The following TRIO variants were observed in gnomAD, a reference collection of about 807,000 sequenced individuals.
The protein encoded by TRIO is triple functional domain protein.
A neutral mutation model predicts 351.9 loss-of-function variants in TRIO; 58 were observed. The ratio of observed to expected loss-of-function variants is 0.16; its 90% CI spans 0.13 to 0.21. TRIO has a LOEUF of 0.21. TRIO is among the 10% of genes least tolerant of loss of function. The pLI is 1.00. For synonymous variants in TRIO, 1,758 were observed against 1,595.7 expected, an observed-to-expected ratio of 1.10 and a Z score of -2.42; for missense variants, 3,201 against 4,027.8, an observed-to-expected ratio of 0.79 and a Z score of 5.56.
chr5:14,180,836 C>T (rs1789722129), intron 1 of TRIO, among the ~76,000 whole-genome samples: 1 of 134,478 alleles, frequency 7.4e-6, no homozygotes, highest in Non-Finnish European at 1.7e-5. Context: ...CATGTCCCCC[C>T]AGTGCCCCCA....
intron 26 of TRIO, 116 bp from the exon 27 acceptor site, chr5:14,390,783 GTC>G: frequency 1.3e-6 from 1 of 758,846 alleles, no homozygotes; most frequent in Non-Finnish European, 2.1e-6. Context: ...TTAAAATAGA[GTC>G]TCTTCAACTC....
intron 1 of TRIO, among the ~76,000 whole-genome samples, chr5:14,171,180 T>C (rs1170771318): frequency 6.6e-6 from 1 of 152,144 alleles, no homozygotes; most frequent in Non-Finnish European, 1.5e-5. Flanking sequence ...AGTAAATCAT[T>C]TAGTTTGTCA....
At chr5:14,345,989 C>T (rs1405447352) in intron 11 of TRIO, among the ~76,000 whole-genome samples, 2 of 152,166 alleles carry the variant, frequency 1.3e-5, no homozygotes, top group Non-Finnish European at 2.9e-5. Context: ...TATGTATTTT[C>T]GTATGTATTT....
In TRIO at chr5:14,414,394, G is replaced by T. The variant is rs183677233; in HGVS notation, c.4960-5384G>T. Among the ~76,000 whole-genome samples, 9 of 152,286 alleles carry T rather than the reference G, an allele frequency of 5.9e-5. No individual in the cohort carries two copies. The East Asian group carries it at 1.5e-3, about 26-fold the overall frequency. On this transcript the variant is annotated intron_variant, in intron 33 of 56. Transcript: ENST00000344204. ...TTAGTTGTATCTTTTAAATGCAGCC[G>T]TTTTTCATCCAGTATTTCATTCCAA...
intron 1 of TRIO, among the ~76,000 whole-genome samples, chr5:14,236,199 A>G (rs1581415126): frequency 6.6e-6 from 1 of 152,136 alleles, no homozygotes; most frequent in South Asian, 2.1e-4. Context: ...AGAACATCAG[A>G]GGTCCCCAGA....
intron 34 of TRIO, among the ~76,000 whole-genome samples, chr5:14,459,594 G>A (rs1384085365): frequency 2.6e-5 from 4 of 152,086 alleles, no homozygotes; most frequent in African/African-American, 9.7e-5. Context: ...ACAAAAATTA[G>A]CTGGGTATGG....
At chr5:14,254,069 T>C (rs1021106043) in intron 1 of TRIO, among the ~76,000 whole-genome samples, 4 of 152,174 alleles carry the variant, frequency 2.6e-5, no homozygotes, top group Non-Finnish European at 5.9e-5. Context: ...TAATTTCTAA[T>C]ATGGTAAATA....
chr5:14,181,184 A>T lies in TRIO; in HGVS notation c.157+37302A>T, dbSNP rs540135442. Among the ~76,000 whole-genome samples, 27 of 149,680 alleles carry T rather than the reference A, an allele frequency of 1.8e-4. No homozygotes were observed. In the East Asian group the frequency reaches 3.2e-3, roughly 18 times the overall value. ...AACACTGCAGACTTAAAAAAAAAAG[A>T]CATCTTATTTAAGGGATATAGAATT... On this transcript the variant is annotated intron_variant, in intron 1 of 56. Transcript: ENST00000344204.
At chr5:14,473,847 C>A (rs770357846) in intron 39 of TRIO, 147 bp from the exon 40 acceptor site, 126 of 616,554 alleles carry the variant, frequency 2.0e-4, no homozygotes, top group Non-Finnish European at 3.1e-4. Flanking sequence ...CTTTTCATAT[C>A]GGTTTTTTTT....
At chr5:14,385,005 A>C (rs1032298647) in intron 21 of TRIO, among the ~76,000 whole-genome samples, 3 of 152,254 alleles carry the variant, frequency 2.0e-5, no homozygotes, top group African/African-American at 7.2e-5. Context: ...TGAGATCATC[A>C]ACTTTACTTA....
intron 1 of TRIO, among the ~76,000 whole-genome samples, chr5:14,144,963 C>G (rs1451177711): frequency 3.9e-5 from 6 of 151,976 alleles, no homozygotes; most frequent in South Asian, 4.1e-4. Context: ...CTTAGCGGGC[C>G]GGGCACGGGG....
intron 1 of TRIO, among the ~76,000 whole-genome samples, chr5:14,172,288 A>G (rs1016389912): frequency 6.6e-6 from 1 of 152,236 alleles, no homozygotes; most frequent in Non-Finnish European, 1.5e-5. Flanking sequence ...GCCCCTGAGA[A>G]GCAGGAAGTG....
chr5:14,287,129 C>T lies in TRIO; in HGVS notation c.540+66C>T. 3 of 1,492,538 alleles carry T rather than the reference C, an allele frequency of 2.0e-6. No individual in the cohort carries two copies. In the South Asian group the frequency reaches 3.9e-5, roughly 19 times the overall value. The allele number at this position is 1,492,538 out of a possible 1,614,324, so 92.5% of individuals were successfully genotyped here. ...TGTGGTTTACTAAAAGCTATTGAGG[C>T]TAATGAGAGATTTTTTTTTTAAACC... On this transcript the variant is annotated intron_variant, in intron 4 of 56. Coordinates refer to ENST00000344204, the MANE Select transcript of TRIO (RefSeq NM_007118.4).
intron 9 of TRIO, among the ~76,000 whole-genome samples, chr5:14,317,633 T>C (rs1244305627): frequency 3.9e-5 from 6 of 152,180 alleles, no homozygotes; most frequent in Non-Finnish European, 4.4e-5. Flanking sequence ...AGACTGAGAT[T>C]CTCTGTATGT....
intron 2 of TRIO, among the ~76,000 whole-genome samples, chr5:14,277,914 GCACCCTTA>G (rs1475714252): frequency 1.3e-5 from 2 of 152,210 alleles, no homozygotes; most frequent in Non-Finnish European, 2.9e-5. Flanking sequence ...ATTGGAAGGT[GCACCCTTA>G]GCAGGGAGAT....
In TRIO at chr5:14,387,579, T is replaced by C. The variant is rs756004023; in HGVS notation, c.3712T>C (p.Tyr1238His). The C allele has an allele frequency of 6.8e-5, 109 of 1,613,930 alleles. No homozygotes were observed. The highest frequency in any genetic ancestry group is 9.1e-5 in the Non-Finnish European group (107 of 1,179,938). ...YRDFSLRMEK[Y>H]RTSLEKALGI... ...AGATTTCTCTCTGCGGATGGAGAAGTACAGGACCTCTTTGGAAAAAGCCCT... is the reference window on the plus strand; with the variant it reads ...AGATTTCTCTCTGCGGATGGAGAAGCACAGGACCTCTTTGGAAAAAGCCCT... The change falls in exon 22 of 57, where the codon TAC (tyrosine) becomes CAC (histidine). Residue 1238 changes from tyrosine (Y) to histidine (H), a missense_variant. This residue lies in a region of TRIO where 201 missense variants were observed against 266.5 expected (regional missense o/e 0.75). Coordinates refer to ENST00000344204, the MANE Select transcript of TRIO (RefSeq NM_007118.4).
rs564348549 is a variant in TRIO at position 14,447,563 on chromosome 5, CT to C, written c.5204-13451del. 3.4e-4 allele frequency among the ~76,000 whole-genome samples: 52 copies of C among 152,288 alleles called. 1 individual carries two copies. Among genetic ancestry groups the C allele is most frequent in the Admixed American group, 1.4e-3 (22 of 15,292 alleles). On this transcript the variant is annotated intron_variant, in intron 34 of 56. Transcript: ENST00000344204. Reference sequence around the variant, plus strand: ...TTAAAACCGTTTTGCCTGGGAGAGTCTTTTTGTGCCACCTGCTTCATTTAAA... The same window carrying C: ...TTAAAACCGTTTTGCCTGGGAGAGTCTTTTGTGCCACCTGCTTCATTTAAA...
chr5:14,454,175 T>G (rs1753064250), intron 34 of TRIO, among the ~76,000 whole-genome samples: 1 of 152,172 alleles, frequency 6.6e-6, no homozygotes, highest in Admixed American at 6.5e-5. Context: ...GTGATCCACC[T>G]GCATCAGCCT....
At chr5:14,457,097 C>G (rs373042416) in intron 34 of TRIO, among the ~76,000 whole-genome samples, 1 of 152,200 alleles carries the variant, frequency 6.6e-6, no homozygotes, top group African/African-American at 2.4e-5. Context: ...GAGAAGGGGT[C>G]ATTATTGTCC....
Sources: allele counts gnomAD v4.1 joint callset (sites outside exome capture counted in the v4.1 genomes callset), GRCh38; gene constraint gnomAD v4.1.1; regional missense constraint gnomAD v4.1.1; transcripts MANE v1.5; gene names NCBI Gene and HGNC (gene_info 2026-07-23, HGNC 2026-07-21).